Variants in ROBO2 observed in about 807,000 individuals in gnomAD.
ROBO2 encodes the protein roundabout guidance receptor 2.
Under a neutral mutation model 160.8 loss-of-function variants are expected in ROBO2, and 53 were observed. The observed-to-expected ratio is 0.33, with a 90% confidence interval of 0.26 to 0.41. The LOEUF (loss-of-function observed/expected upper bound fraction) is 0.41. Ranked by LOEUF, ROBO2 falls within the 10% of genes least tolerant of loss-of-function variation. The probability of loss-of-function intolerance (pLI) is 1.00; values close to 1 mark genes in which losing one functional copy is unlikely to be tolerated. For synonymous variants in ROBO2, 664 were observed against 611.7 expected (o/e 1.09, Z -1.26); for missense variants, 1,577 against 1,722.4 (o/e 0.92, Z 1.49).
intron 2 of ROBO2, among the ~76,000 whole-genome samples, chr3:75,970,621 A>G (rs2064965168): frequency 1.3e-5 from 2 of 151,626 alleles, no homozygotes; most frequent in Admixed American, 6.6e-5. Flanking sequence ...GATTGAGTTT[A>G]TGTTACATTA....
intron 2 of ROBO2, among the ~76,000 whole-genome samples, chr3:76,021,778 G>T (rs1469225473): frequency 6.6e-6 from 1 of 151,780 alleles, no homozygotes; most frequent in African/African-American, 2.4e-5. Context: ...CACAGGTAAA[G>T]GGTTTGGTCC....
At chr3:76,113,409 CCTTGTACCTTTACCA>C (rs1463998190) in intron 2 of ROBO2, among the ~76,000 whole-genome samples, 6 of 151,958 alleles carry the variant, frequency 3.9e-5, no homozygotes, top group Admixed American at 3.9e-4. Flanking sequence ...AGGTCTTTAT[CCTTGTACCTTTACCA>C]CTTTCATTAA....
At chr3:76,973,026 T>C (rs2059645056) in intron 2 of ROBO2, among the ~76,000 whole-genome samples, 1 of 152,174 alleles carries the variant, frequency 6.6e-6, no homozygotes, top group Non-Finnish European at 1.5e-5. Context: ...ATATCAAAGC[T>C]GTGTTTGTAT....
intron 2 of ROBO2, among the ~76,000 whole-genome samples, chr3:77,127,328 C>T (rs1319920914): frequency 6.6e-6 from 1 of 152,108 alleles, no homozygotes; most frequent in Non-Finnish European, 1.5e-5. Flanking sequence ...GTCCTTGCCT[C>T]TCTCCTGTCT....
chr3:77,275,666 C>A lies in ROBO2; in HGVS notation c.388+177326C>A, dbSNP rs980166575. Reference sequence around the variant, plus strand: ...CTGTTTTATCAAATAAAATCTTTTTCTCCTCATAGTTGCAGTATCCAAATT... The same window carrying A: ...CTGTTTTATCAAATAAAATCTTTTTATCCTCATAGTTGCAGTATCCAAATT... On this transcript the variant is annotated intron_variant, in intron 2 of 25. Coordinates refer to ENST00000461745, the Ensembl canonical transcript of ROBO2. 2.0e-5 allele frequency among the ~76,000 whole-genome samples: 3 copies of A among 152,040 alleles called. 1 individual carries two copies. The highest frequency in any genetic ancestry group is 1.3e-4 in the Admixed American group (2 of 15,254).
At chr3:77,017,184 A>T (rs2062322020) in intron 2 of ROBO2, among the ~76,000 whole-genome samples, 2 of 152,228 alleles carry the variant, frequency 1.3e-5, no homozygotes, top group South Asian at 4.1e-4. Context: ...ACTAGAATGT[A>T]AGAATGTTGT....
At chr3:75,985,022 T>A (rs977569853) in intron 2 of ROBO2, among the ~76,000 whole-genome samples, 1 of 151,588 alleles carries the variant, frequency 6.6e-6, no homozygotes, top group South Asian at 2.1e-4. Context: ...TTTATTCTAA[T>A]CATATAAAAT....
chr3:76,672,397 G>A (rs867416805), intron 2 of ROBO2, among the ~76,000 whole-genome samples: 1 of 152,092 alleles, frequency 6.6e-6, no homozygotes, highest in African/African-American at 2.4e-5. Flanking sequence ...GGAAGAAAGT[G>A]TACCCATTTC....
rs1201331895 is a variant in ROBO2, at chr3:76,838,029, TATTCAAGAA to T, written c.110-259982_110-259974del. On this transcript the variant is annotated intron_variant, in intron 2 of 26. Coordinates refer to the ROBO2 transcript ENST00000487694. ...TGAAATGTTTCATTACGCTAGACAA[TATTCAAGAA>T]ATATCCTAGCAGCCATGAAAAAGAG... Among the ~76,000 whole-genome samples the T allele has an allele frequency of 2.0e-5, 3 of 152,044 alleles. No individual in the cohort carries two copies. The East Asian group carries it at 5.8e-4, about 29-fold the overall frequency.
intron 2 of ROBO2, among the ~76,000 whole-genome samples, chr3:76,406,892 A>G (rs2075215773): frequency 6.6e-6 from 1 of 151,786 alleles, no homozygotes; most frequent in African/African-American, 2.4e-5. Context: ...CATGTATCCA[A>G]CTTGCTTAAA....
intron 2 of ROBO2, among the ~76,000 whole-genome samples, chr3:76,855,673 A>G (rs1326438863): frequency 1.3e-5 from 2 of 152,214 alleles, no homozygotes; most frequent in Non-Finnish European, 2.9e-5. Flanking sequence ...ACATTTGCCA[A>G]TGAATATTCA....
At chr3:76,651,344 T>G (rs2109884585) in intron 2 of ROBO2, among the ~76,000 whole-genome samples, 1 of 152,124 alleles carries the variant, frequency 6.6e-6, no homozygotes, top group East Asian at 1.9e-4. Flanking sequence ...CCCTGTGAGG[T>G]ATTCTAAGCT....
chr3:76,112,400 C>T (rs2108242921), intron 2 of ROBO2, among the ~76,000 whole-genome samples: 1 of 152,092 alleles, frequency 6.6e-6, no homozygotes, highest in South Asian at 2.1e-4. Context: ...TTTTCTACTC[C>T]TACCTTCTTT....
chr3:77,221,427 C>T (rs2085772982), intron 2 of ROBO2, among the ~76,000 whole-genome samples: 1 of 152,184 alleles, frequency 6.6e-6, no homozygotes, highest in Admixed American at 6.5e-5. Flanking sequence ...GTAAGGGTGA[C>T]ACTGATCGAA....
intron 2 of ROBO2, among the ~76,000 whole-genome samples, chr3:76,603,281 A>C (rs1393900603): frequency 4.8e-5 from 7 of 144,420 alleles, no homozygotes; most frequent in African/African-American, 1.8e-4. Context: ...GCAGTGAGCC[A>C]AGATTGCGCC....
At chr3:76,905,068 A>C (rs2075502187) in intron 2 of ROBO2, among the ~76,000 whole-genome samples, 1 of 152,198 alleles carries the variant, frequency 6.6e-6, no homozygotes, top group African/African-American at 2.4e-5. Flanking sequence ...TTACTGGAAG[A>C]ATGACTTTGT....
At chr3:76,685,037 G>A (rs2092654281) in intron 2 of ROBO2, among the ~76,000 whole-genome samples, 1 of 151,336 alleles carries the variant, frequency 6.6e-6, no homozygotes, top group South Asian at 2.1e-4. Context: ...ACCCCCAGAA[G>A]GAAAAGTCTC....
intron 2 of ROBO2, among the ~76,000 whole-genome samples, chr3:76,921,971 G>T (rs2076690005): frequency 6.6e-6 from 1 of 152,092 alleles, no homozygotes; most frequent in African/African-American, 2.4e-5. Flanking sequence ...AATAAAGTGT[G>T]AGATGCCTTT....
intron 2 of ROBO2, chr3:77,317,021 A>G: frequency 6.5e-7 from 1 of 1,528,954 alleles, no homozygotes; most frequent in South Asian, 1.1e-5. Context: ...ACCTTCTGGT[A>G]AATGGAGCCG....
Sources: allele counts gnomAD v4.1 joint callset (sites outside exome capture counted in the v4.1 genomes callset), GRCh38; gene constraint gnomAD v4.1.1; transcripts MANE v1.5; gene names NCBI Gene and HGNC (gene_info 2026-07-23, HGNC 2026-07-21).